Variants in GPM6A observed in about 807,000 individuals in gnomAD.
GPM6A encodes neuronal membrane glycoprotein M6-a.
In GPM6A, 7 loss-of-function variants were observed where a neutral mutation model predicts 32.1. The observed-to-expected ratio is 0.22, with a 90% CI of 0.12 to 0.41. The LOEUF is 0.41. Among genes scored for constraint, GPM6A ranks in the 10% least tolerant of loss-of-function variants. The pLI, the probability that GPM6A is intolerant of heterozygous loss-of-function variation, is 1.00. For missense variants in GPM6A, 235 were observed against 347.2 expected (o/e 0.68, Z 2.57); for synonymous variants, 130 against 123.4 (o/e 1.05, Z -0.35).
At chr4:175,835,922 G>C (rs894874514) in intron 1 of GPM6A, among the ~76,000 whole-genome samples, 2 of 149,084 alleles carry the variant, frequency 1.3e-5, no homozygotes, top group African/African-American at 4.9e-5. Context: ...GAGCATAAAG[G>C]TGTAGAACGT....
In GPM6A at chr4:175,638,453, C is replaced by T. The variant is rs369761507; in HGVS notation, c.684+1676G>A. 2.6e-5 allele frequency among the ~76,000 whole-genome samples: 4 copies of T among 151,942 alleles called. No individual in the cohort carries two copies. The East Asian group carries it at 5.8e-4, about 22-fold the overall frequency. ...GTACTTGAAAAAATAATCTTCTAAG[C>T]TTTCTGTTTTAAATAAAATGTACGT... On this transcript the variant is annotated intron_variant, in intron 6 of 6. Transcript: ENST00000393658.
intron 1 of GPM6A, chr4:175,807,210 C>T (rs1579524236): frequency 2.0e-5 from 3 of 151,752 alleles, no homozygotes; most frequent in South Asian, 2.1e-4. Flanking sequence ...GATTTAGGGA[C>T]GAATTTATTT....
At chr4:175,635,184 A>G (rs762287041) in intron 6 of GPM6A, 127 bp from the exon 7 acceptor site, 9 of 692,104 alleles carry the variant, frequency 1.3e-5, no homozygotes, top group Non-Finnish European at 2.2e-5. Flanking sequence ...AATGGAAACA[A>G]AATTTCTTTG....
intron 1 of GPM6A, among the ~76,000 whole-genome samples, chr4:175,851,216 G>A (rs1417607025): frequency 6.6e-6 from 1 of 152,076 alleles, no homozygotes; most frequent in Admixed American, 6.6e-5. Flanking sequence ...AATTAGCTGG[G>A]TGTGGTGGCG....
rs571986413 is a variant in GPM6A, at chr4:175,633,769, A to G, written c.*1136T>C. ...ACTTACTTGAAATAAAAACACAAAT[A>G]TATCACTACACTTTCAAACAATACA... On this transcript the variant is annotated 3_prime_UTR_variant, in exon 7 of 7. Transcript: ENST00000393658. 2.3e-4 allele frequency: 35 copies of G among 152,526 alleles called. No homozygotes were observed. The highest frequency in any genetic ancestry group is 4.1e-4 in the Non-Finnish European group (28 of 67,960). The allele number at this position is 152,526 out of a possible 1,614,324, so 9.4% of individuals were successfully genotyped here.
intron 1 of GPM6A, among the ~76,000 whole-genome samples, chr4:175,944,951 T>A (rs1378937979): frequency 1.3e-5 from 2 of 152,208 alleles, no homozygotes; most frequent in Non-Finnish European, 2.9e-5. Flanking sequence ...GTTTTTTGTT[T>A]TTTGTTTTTT....
At chr4:175,965,110 T>C (rs1477526353) in intron 1 of GPM6A, among the ~76,000 whole-genome samples, 1 of 152,196 alleles carries the variant, frequency 6.6e-6, no homozygotes, top group Non-Finnish European at 1.5e-5. Flanking sequence ...AACAGCAGAC[T>C]ACCCATTCTT....
chr4:175,955,159 G>A (rs771149462), intron 1 of GPM6A, among the ~76,000 whole-genome samples: 1 of 152,192 alleles, frequency 6.6e-6, no homozygotes, highest in Non-Finnish European at 1.5e-5. Context: ...CTTGACCTCT[G>A]GACTTTTCAA....
intron 1 of GPM6A, among the ~76,000 whole-genome samples, chr4:175,771,551 C>CAAAAA (rs889739577): frequency 1.1e-4 from 7 of 66,528 alleles, no homozygotes; most frequent in Non-Finnish European, 2.3e-4. Flanking sequence ...GACTCTGTCT[C>CAAAAA]AAAAAAAAAA....
At chr4:175,855,175 T>C (rs933081708) in intron 1 of GPM6A, among the ~76,000 whole-genome samples, 4 of 152,186 alleles carry the variant, frequency 2.6e-5, no homozygotes, top group African/African-American at 9.7e-5. Flanking sequence ...AAAATTACTA[T>C]GCATACAATG....
chr4:175,935,873 A>G (rs1455422983), intron 1 of GPM6A, among the ~76,000 whole-genome samples: 1 of 152,060 alleles, frequency 6.6e-6, no homozygotes, highest in Non-Finnish European at 1.5e-5. Context: ...AGGAGAGGGG[A>G]TATTGATTTA....
intron 1 of GPM6A, among the ~76,000 whole-genome samples, chr4:175,901,403 C>T (rs977779825): frequency 1.3e-5 from 2 of 151,214 alleles, no homozygotes; most frequent in Non-Finnish European, 3.0e-5. Flanking sequence ...TTTCATGTAC[C>T]CCATAAATAC....
At chr4:175,708,290 C>A (rs1745321829) in intron 1 of GPM6A, among the ~76,000 whole-genome samples, 1 of 152,106 alleles carries the variant, frequency 6.6e-6, no homozygotes, top group Non-Finnish European at 1.5e-5. Flanking sequence ...GAAGGAATAA[C>A]TGTGATGACA....
At chr4:175,786,606 A>G (rs547263856) in intron 1 of GPM6A, among the ~76,000 whole-genome samples, 64 of 152,144 alleles carry the variant, frequency 4.2e-4, no homozygotes, top group African/African-American at 1.4e-3. Flanking sequence ...TTATCACTCA[A>G]GCACATGAAA....
rs147626645 is a variant in GPM6A, at chr4:175,650,021, T to C, written c.541+1813A>G. Among the ~76,000 whole-genome samples, 7 of 152,256 alleles carry C rather than the reference T, an allele frequency of 4.6e-5. No homozygotes were observed. The East Asian group carries it at 1.4e-3, about 29-fold the overall frequency. Reference sequence around the variant, plus strand: ...GCCACGGCCTTCTAAGCAGCTGTTCTGCAGTGACCTCCAGTAGCATTTGCT... The same window carrying C: ...GCCACGGCCTTCTAAGCAGCTGTTCCGCAGTGACCTCCAGTAGCATTTGCT... On this transcript the variant is annotated intron_variant, in intron 4 of 6. Coordinates refer to ENST00000393658, the MANE Select transcript of GPM6A (RefSeq NM_201591.3).
At chr4:175,740,639 A>G (rs757328690) in intron 1 of GPM6A, among the ~76,000 whole-genome samples, 2 of 152,108 alleles carry the variant, frequency 1.3e-5, no homozygotes, top group Non-Finnish European at 2.9e-5. Context: ...CTTCATGTAT[A>G]TACATTCATC....
Position 175,721,470 on chromosome 4 carries a change from C to T in GPM6A, c.38-19703G>A, listed in dbSNP as rs568558497. ...CAGTCTGGGTGACAGAGCGAGACTC[C>T]GTCTCAAGAAAAAAAAAAAAGCAAG... On this transcript the variant is annotated intron_variant, in intron 1 of 6. Transcript: ENST00000393658. Among the ~76,000 whole-genome samples, 705 of 150,070 alleles carry T rather than the reference C, an allele frequency of 4.7e-3. 6 individuals are homozygous for T. The highest frequency in any genetic ancestry group is 7.6e-3 in the South Asian group (36 of 4,746).
At chr4:175,857,582 A>G (rs1258692960) in intron 1 of GPM6A, among the ~76,000 whole-genome samples, 1 of 152,208 alleles carries the variant, frequency 6.6e-6, no homozygotes, top group Non-Finnish European at 1.5e-5. Flanking sequence ...ACCTAACCAT[A>G]TCAGTAATAA....
At chr4:175,761,724 T>C (rs1162340426) in intron 1 of GPM6A, among the ~76,000 whole-genome samples, 5 of 152,024 alleles carry the variant, frequency 3.3e-5, no homozygotes, top group Middle Eastern at 6.9e-3. Context: ...TCATAAAATC[T>C]AAATTAATTG....
Sources: gnomAD v4.1 joint callset for allele counts (sites outside exome capture counted in the v4.1 genomes callset) on GRCh38, gnomAD v4.1.1 for gene constraint, MANE v1.5 for transcripts, NCBI Gene and HGNC (gene_info 2026-07-23, HGNC 2026-07-21) for gene names.